The following COBL variants were observed in gnomAD, a reference collection of about 807,000 sequenced individuals.
COBL encodes the protein cordon-bleu WH2 repeat protein.
In COBL, 51 loss-of-function variants were observed where a neutral mutation model predicts 98.8. That is an observed-to-expected ratio of 0.52 (90% confidence interval 0.41 to 0.65). COBL has a LOEUF of 0.65. Among genes scored for constraint, COBL ranks in the 30% least tolerant of loss-of-function variants. The pLI is 0.00. For synonymous variants in COBL, 634 were observed against 651.7 expected (o/e 0.97, Z 0.41); for missense variants, 1,617 against 1,617.5 (o/e 1.00, Z 0.01).
At chr7:51,296,249 G>A (rs1311102769) in intron 1 of COBL, among the ~76,000 whole-genome samples, 1 of 152,124 alleles carries the variant, frequency 6.6e-6, no homozygotes, top group Admixed American at 6.5e-5. Context: ...TTAAACTCAT[G>A]AGCCAATTAA....
At chr7:51,243,775 G>C (rs1294823484) in intron 1 of COBL, among the ~76,000 whole-genome samples, 5 of 152,118 alleles carry the variant, frequency 3.3e-5, no homozygotes, top group East Asian at 3.9e-4. Context: ...TGCCTGAAAG[G>C]GGGTAGAGGG....
At chr7:51,239,779 G>A (rs1795602480) in intron 1 of COBL, among the ~76,000 whole-genome samples, 2 of 152,138 alleles carry the variant, frequency 1.3e-5, no homozygotes. Flanking sequence ...CTGGTTAACG[G>A]TCATGGTATT....
chr7:51,189,232 C>T (rs1434575350), intron 4 of COBL, among the ~76,000 whole-genome samples: 1 of 152,156 alleles, frequency 6.6e-6, no homozygotes, highest in African/African-American at 2.4e-5. Flanking sequence ...AATGTCAAAT[C>T]AGATCTAGAT....
At chr7:51,059,678 C>T (rs965639621) in intron 7 of COBL, among the ~76,000 whole-genome samples, 57 of 152,088 alleles carry the variant, frequency 3.7e-4, no homozygotes, top group East Asian at 1.7e-3. Flanking sequence ...TGGCCCTGTT[C>T]GCATAAATGA....
intron 6 of COBL, among the ~76,000 whole-genome samples, chr7:51,088,504 C>T (rs1465032619): frequency 6.6e-6 from 1 of 152,004 alleles, no homozygotes; most frequent in African/African-American, 2.4e-5. Flanking sequence ...GCTTCTCTTT[C>T]CTCTCAGAAG....
intron 1 of COBL, among the ~76,000 whole-genome samples, chr7:51,245,808 C>T (rs1043236128): frequency 1.3e-5 from 2 of 152,156 alleles, no homozygotes; most frequent in African/African-American, 4.8e-5. Context: ...ACCTCGCAAA[C>T]CATATGGCAC....
At chr7:51,261,758 G>A (rs1797738333) in intron 1 of COBL, among the ~76,000 whole-genome samples, 1 of 152,144 alleles carries the variant, frequency 6.6e-6, no homozygotes, top group Non-Finnish European at 1.5e-5. Context: ...CCTGAGGTCA[G>A]GAGTTTGAAA....
chr7:51,211,253 C>T (rs1289103825), intron 2 of COBL, among the ~76,000 whole-genome samples: 1 of 152,286 alleles, frequency 6.6e-6, no homozygotes, highest in East Asian at 1.9e-4. Flanking sequence ...AGGGATTGGG[C>T]GTGATTTCCC....
intron 6 of COBL, among the ~76,000 whole-genome samples, chr7:51,105,828 A>C (rs894926832): frequency 4.6e-5 from 7 of 152,220 alleles, no homozygotes; most frequent in Non-Finnish European, 1.0e-4. Flanking sequence ...TTAAGTACTA[A>C]TACAAAAGAA....
intron 6 of COBL, among the ~76,000 whole-genome samples, chr7:51,094,725 T>C (rs1795122376): frequency 6.6e-6 from 1 of 152,144 alleles, no homozygotes; most frequent in African/African-American, 2.4e-5. Flanking sequence ...TACATAATCC[T>C]GGAATATAAT....
chr7:51,295,882 C>G (rs1801380214), intron 1 of COBL, among the ~76,000 whole-genome samples: 1 of 152,202 alleles, frequency 6.6e-6, no homozygotes, highest in Admixed American at 6.5e-5. Flanking sequence ...ACTGAGTAAT[C>G]CCTAAGCTAC....
chr7:51,207,663 C>A (rs1350918817), intron 2 of COBL, among the ~76,000 whole-genome samples: 2 of 152,200 alleles, frequency 1.3e-5, no homozygotes, highest in African/African-American at 4.8e-5. Context: ...AGCTCCTAAC[C>A]GCGAGTGATC....
intron 7 of COBL, among the ~76,000 whole-genome samples, chr7:51,065,632 G>A (rs569931260): frequency 2.0e-5 from 3 of 152,290 alleles, no homozygotes; most frequent in East Asian, 1.9e-4. Context: ...GTCAGAGTCC[G>A]GGTCTCCCCT....
chr7:51,085,617 A>C (rs1262266783), intron 6 of COBL, among the ~76,000 whole-genome samples: 1 of 152,180 alleles, frequency 6.6e-6, no homozygotes, highest in East Asian at 1.9e-4. Flanking sequence ...AGAGTTGGTA[A>C]ACTTCCCTGT....
intron 1 of COBL, among the ~76,000 whole-genome samples, chr7:51,270,123 A>C (rs550192644): frequency 6.6e-6 from 1 of 152,296 alleles, no homozygotes; most frequent in East Asian, 1.9e-4. Flanking sequence ...GCCAGGCATA[A>C]CCTGTGACAG....
chr7:51,267,107 C>T (rs1178870347), intron 1 of COBL, among the ~76,000 whole-genome samples: 1 of 152,096 alleles, frequency 6.6e-6, no homozygotes, highest in Non-Finnish European at 1.5e-5. Flanking sequence ...ACAGAGGCCA[C>T]ACAAAGGCCC....
chr7:51,234,531 T>C (rs1322795736), intron 1 of COBL, among the ~76,000 whole-genome samples: 2 of 151,880 alleles, frequency 1.3e-5, no homozygotes, highest in African/African-American at 2.4e-5. Flanking sequence ...AAAAACCCCC[T>C]CTCTACGAAA....
chr7:51,062,858 C>G (rs529307488), intron 7 of COBL, among the ~76,000 whole-genome samples: 1 of 152,224 alleles, frequency 6.6e-6, no homozygotes, highest in South Asian at 2.1e-4. Flanking sequence ...GTGAGACACC[C>G]GTGGAGAGCG....
chr7:51,220,210 A>T (rs1403137158), intron 1 of COBL, among the ~76,000 whole-genome samples: 1 of 152,186 alleles, frequency 6.6e-6, no homozygotes, highest in Non-Finnish European at 1.5e-5. Flanking sequence ...TATTCACAGG[A>T]TCTGGTCAAG....
Sources: gnomAD v4.1 joint callset for allele counts (sites outside exome capture counted in the v4.1 genomes callset) on GRCh38, gnomAD v4.1.1 for gene constraint, MANE v1.5 for transcripts, NCBI Gene and HGNC (gene_info 2026-07-23, HGNC 2026-07-21) for gene names.